Variants in RANBP2 observed in about 807,000 individuals in gnomAD.
The protein encoded by RANBP2 is RAN binding protein 2.
A neutral mutation model predicts 303.6 loss-of-function variants in RANBP2; 57 were observed. The ratio of observed to expected loss-of-function variants is 0.19; its 90% CI spans 0.15 to 0.23. RANBP2 has a LOEUF of 0.23. Among genes scored for constraint, RANBP2 ranks in the 10% least tolerant of loss-of-function variants. The pLI, the probability that RANBP2 is intolerant of heterozygous loss-of-function variation, is 1.00. For missense variants in RANBP2, 3,138 were observed against 3,780.8 expected (o/e 0.83, Z 4.46); for synonymous variants, 1,167 against 1,301.5 (o/e 0.90, Z 2.23).
At chr2:109,678,763 G>A in the RANBP2 span, among the ~76,000 whole-genome samples, 10 of 152,220 alleles carry the variant, frequency 6.6e-5, no homozygotes, top group East Asian at 1.9e-4. Flanking sequence ...GTTCGCAGGC[G>A]GTGGGGTGTC....
chr2:109,502,800 C>CA, the RANBP2 span: 65 of 152,338 alleles, frequency 4.3e-4, 1 homozygote, highest in African/African-American at 1.5e-3. Context: ...GAGAGAACTG[C>CA]AATTAGCATT....
chr2:109,280,831 C>T, the RANBP2 span, among the ~76,000 whole-genome samples: 6 of 152,276 alleles, frequency 3.9e-5, no homozygotes, highest in Non-Finnish European at 8.8e-5. Flanking sequence ...TAACAGTGGT[C>T]GGCTGTTTTA....
chr2:109,613,926 G>A, the RANBP2 span: 2 of 1,222,532 alleles, frequency 1.6e-6, no homozygotes, highest in Admixed American at 4.3e-5. Context: ...AGAAGCAACG[G>A]GCGGGGCGCG....
chr2:109,592,659 G>A, the RANBP2 span, among the ~76,000 whole-genome samples: 1 of 141,110 alleles, frequency 7.1e-6, no homozygotes, highest in Non-Finnish European at 1.5e-5. Context: ...GGTCACCTGT[G>A]ATCCCAGCTA....
chr2:109,102,189 C>A, the RANBP2 span, among the ~76,000 whole-genome samples: 1 of 152,062 alleles, frequency 6.6e-6, no homozygotes, highest in Non-Finnish European at 1.5e-5. Flanking sequence ...CAAGCTCCGC[C>A]TCCTGGGTTC....
At chr2:108,930,735 G>T in the RANBP2 span, among the ~76,000 whole-genome samples, 11 of 152,286 alleles carry the variant, frequency 7.2e-5, no homozygotes, top group African/African-American at 2.6e-4. Context: ...AATCAAGAAC[G>T]TTTATATCCA....
the RANBP2 span, chr2:109,615,759 A>G: frequency 1.9e-6 from 3 of 1,614,074 alleles, no homozygotes; most frequent in Non-Finnish European, 2.5e-6. Flanking sequence ...CTCGCATCTC[A>G]TCACCTACAA....
At chr2:109,526,608 G>A in the RANBP2 span, among the ~76,000 whole-genome samples, 3 of 152,108 alleles carry the variant, frequency 2.0e-5, no homozygotes, top group African/African-American at 7.2e-5. Context: ...CACCACGCCC[G>A]GCTCACCTCC....
the RANBP2 span, among the ~76,000 whole-genome samples, chr2:109,372,888 TAA>T: frequency 2.6e-5 from 4 of 152,228 alleles, no homozygotes; most frequent in Non-Finnish European, 5.9e-5. Context: ...TGCAGATACT[TAA>T]AGATGTTTGT....
Position 108,744,766 on chromosome 2 carries a change from G to A in RANBP2, c.976-1945G>A, listed in dbSNP as rs28689561. 3.2e-3 allele frequency among the ~76,000 whole-genome samples: 486 copies of A among 152,178 alleles called. 2 individuals carry two copies. The highest frequency in any genetic ancestry group is 0.011 in the African/African-American group (444 of 41,514). The stretch of plus-strand genomic sequence containing the variant: ...TATATACATGGTTTAAAATTCTGGC[G>A]GCTCTTAAGAATATGCTATGAAGAC... On this transcript the variant is annotated intron_variant, in intron 7 of 28. Coordinates refer to ENST00000283195, the MANE Select transcript of RANBP2 (RefSeq NM_006267.5).
chr2:109,175,383 T>C, the RANBP2 span, among the ~76,000 whole-genome samples: 1 of 152,250 alleles, frequency 6.6e-6, no homozygotes, highest in Non-Finnish European at 1.5e-5. Context: ...AAGCAAACGC[T>C]GGTGAATTCA....
Position 108,731,163 on chromosome 2 carries a change from CTTTTA to C in RANBP2, c.253-153_253-149del, listed in dbSNP as rs58008870. ...TTCATTTCCAGAGAATTCCAAGACA[CTTTTA>C]TTTTAACACCTTTGAAGTAACATGT... On this transcript the variant is annotated intron_variant, in intron 3 of 28. Transcript: ENST00000283195. Among the ~76,000 whole-genome samples, 197 of 152,204 alleles carry C rather than the reference CTTTTA, an allele frequency of 1.3e-3. 3 individuals carry two copies. In the East Asian group the frequency reaches 0.034, roughly 27 times the overall value.
the RANBP2 span, chr2:109,141,348 T>G: frequency 6.6e-6 from 1 of 152,594 alleles, no homozygotes. Context: ...CGTCTCTGCC[T>G]GGGTCCCTCT....
chr2:108,766,074 C>A lies in RANBP2; in HGVS notation c.5535C>A (p.Phe1845Leu). The change falls in exon 20 of 29, where the codon TTC becomes TTA. Residue 1845 changes from phenylalanine to leucine, a missense_variant. Phe to Leu is a conservative substitution (Grantham distance 22). Around this residue, in one of 20 missense-constraint regions of RANBP2, gnomAD observed 348 missense variants for 360.4 expected, o/e 0.97. Coordinates refer to ENST00000283195, the MANE Select transcript of RANBP2 (RefSeq NM_006267.5). The stretch of plus-strand genomic sequence containing the variant: ...TGGGAACAGGATTTAAAAGTAATTT[C>A]TCAGAAAAAGCTTCTAAGTTTGGCA... Reference protein sequence around the residue: ...SQVGTGFKSNFSEKASKFGNT... With the variant: ...SQVGTGFKSNLSEKASKFGNT... 6.2e-7 allele frequency: 1 copy of A among 1,614,152 alleles called. No individual in the cohort carries two copies. Among genetic ancestry groups the A allele is most frequent in the South Asian group, 1.1e-5 (1 of 91,086 alleles).
the RANBP2 span, among the ~76,000 whole-genome samples, chr2:109,399,912 ACTCC>A: frequency 6.6e-6 from 1 of 151,998 alleles, no homozygotes; most frequent in Non-Finnish European, 1.5e-5. Context: ...AATGGTGCCC[ACTCC>A]ATTTCTCCCT....
chr2:109,160,494 G>A, the RANBP2 span, among the ~76,000 whole-genome samples: 4 of 152,226 alleles, frequency 2.6e-5, no homozygotes, highest in African/African-American at 9.6e-5. Flanking sequence ...AAGACCCTCT[G>A]GCAGGGAGAA....
At chr2:109,332,180 C>T in the RANBP2 span, among the ~76,000 whole-genome samples, 204 of 152,254 alleles carry the variant, frequency 1.3e-3, no homozygotes, top group Middle Eastern at 0.017. Context: ...ATCTGCGGCC[C>T]GGAGCCCTCT....
the RANBP2 span, among the ~76,000 whole-genome samples, chr2:109,269,803 A>G: frequency 3.0e-4 from 46 of 152,282 alleles, no homozygotes; most frequent in Middle Eastern, 3.4e-3. Context: ...ATAGTTACCA[A>G]GATACTTGTG....
chr2:109,088,184 G>A, the RANBP2 span, among the ~76,000 whole-genome samples: 1 of 151,968 alleles, frequency 6.6e-6, no homozygotes, highest in Admixed American at 6.6e-5. Flanking sequence ...GGATCACAAG[G>A]TCAAGAGATC....
Sources: allele counts gnomAD v4.1 joint callset (sites outside exome capture counted in the v4.1 genomes callset), GRCh38; gene constraint gnomAD v4.1.1; regional missense constraint gnomAD v4.1.1; transcripts MANE v1.5; gene names NCBI Gene and HGNC (gene_info 2026-07-23, HGNC 2026-07-21).